GON4L: variants seen among roughly 807,000 people sequenced by gnomAD.
GON4L encodes gon-4 like, also known as GON-4-like protein.
Under a neutral mutation model 211.8 loss-of-function variants are expected in GON4L, and 87 were observed. The ratio of observed to expected loss-of-function variants is 0.41; its 90% CI spans 0.35 to 0.49. The LOEUF is 0.49. Among genes scored for constraint, GON4L ranks in the 20% least tolerant of loss-of-function variants. The probability of loss-of-function intolerance (pLI) is 0.15; values close to 1 mark genes in which losing one functional copy is unlikely to be tolerated. For missense variants in GON4L, 2,155 were observed against 2,659.5 expected (o/e 0.81, Z 4.17); for synonymous variants, 875 against 962.6 (o/e 0.91, Z 1.68).
intron 28 of GON4L, 131 bp downstream of exon 28, chr1:155,754,244 T>G (rs1032279929): frequency 1.4e-6 from 1 of 739,332 alleles, no homozygotes; most frequent in Non-Finnish European, 2.5e-6. Context: ...ATTTTGCATA[T>G]GTACACATAT....
rs1339983552 is a variant in GON4L at position 155,784,781 on chromosome 1, T to C, written c.1788+553A>G. The C allele has an allele frequency of 2.2e-5, 4 of 185,192 alleles. No individual in the cohort carries two copies. The East Asian group carries it at 5.3e-4, about 24-fold the overall frequency. The allele number at this position is 185,192 out of a possible 1,614,324, so 11.5% of individuals were successfully genotyped here. A position where few individuals can be genotyped will look rare whatever the true frequency, so the allele number is the denominator to read the frequency against. On this transcript the variant is annotated intron_variant, in intron 13 of 31. Coordinates refer to ENST00000368331, the MANE Select transcript of GON4L (RefSeq NM_001282860.2). Reference sequence around the variant, plus strand: ...AGTAGTTTAAAACTAGTTGACAATCTTTAAGGACACACCAAATGACAGTAG... The same window carrying C: ...AGTAGTTTAAAACTAGTTGACAATCCTTAAGGACACACCAAATGACAGTAG...
chr1:155,853,834 T>C lies in GON4L; in HGVS notation c.-26-28A>G, dbSNP rs956268314. ...GAAAGAATAAAAAGTTCTTACTGCCTTCATATTAATTAAAAGTAATAACAT... is the reference window on the plus strand; with the variant it reads ...GAAAGAATAAAAAGTTCTTACTGCCCTCATATTAATTAAAAGTAATAACAT... On this transcript the variant is annotated intron_variant, in intron 1 of 31. Coordinates refer to ENST00000368331, the MANE Select transcript of GON4L (RefSeq NM_001282860.2). The C allele has an allele frequency of 1.5e-5, 20 of 1,329,676 alleles. No individual in the cohort carries two copies. In the African/African-American group the frequency reaches 2.6e-4, roughly 17 times the overall value. 82.4% of individuals were successfully genotyped at this position (1,329,676 alleles called of 1,614,324 possible).
At chr1:155,845,457 A>G in intron 2 of GON4L, 1 of 348,152 alleles carries the variant, frequency 2.9e-6, no homozygotes, top group South Asian at 2.5e-5. Context: ...AGAATCAGCA[A>G]GGTTGGAAAC....
At chr1:155,770,266 T>G (rs1459584245) in intron 19 of GON4L, among the ~76,000 whole-genome samples, 2 of 152,152 alleles carry the variant, frequency 1.3e-5, no homozygotes, top group Non-Finnish European at 2.9e-5. Flanking sequence ...GGCTCACGCC[T>G]GTAATCCCAA....
At chr1:155,759,216 G>A (rs918798508) in intron 24 of GON4L, among the ~76,000 whole-genome samples, 1 of 152,072 alleles carries the variant, frequency 6.6e-6, no homozygotes, top group African/African-American at 2.4e-5. Flanking sequence ...GTCCAGGCTG[G>A]CCTCCCAAAG....
chr1:155,769,568 G>C (rs1470880920), intron 19 of GON4L, among the ~76,000 whole-genome samples: 1 of 152,062 alleles, frequency 6.6e-6, no homozygotes, highest in Non-Finnish European at 1.5e-5. Flanking sequence ...CACGCTGAAA[G>C]GAGATTAAGA....
In GON4L at chr1:155,761,103, G is replaced by T. The variant is rs190255365; in HGVS notation, c.4912-462C>A. On this transcript the variant is annotated intron_variant, in intron 23 of 31. Transcript: ENST00000368331. ...GTATTCTGCTTTCCAGGGGGATAAA[G>T]GAATCAGGTGGTTACCAAGAGAAGG... 6.8e-4 allele frequency among the ~76,000 whole-genome samples: 103 copies of T among 151,804 alleles called. 1 individual carries two copies. The highest frequency in any genetic ancestry group is 2.4e-3 in the African/African-American group (100 of 41,404).
At chr1:155,746,869 G>C (rs748907388), downstream of GON4L, 1 of 1,596,820 alleles carries the variant, frequency 6.3e-7, no homozygotes, top group Non-Finnish European at 8.5e-7. Flanking sequence ...TCTGAGTGCA[G>C]AGGTGAGGGC....
chr1:155,793,027 C>G (rs547961424), intron 12 of GON4L, among the ~76,000 whole-genome samples: 3 of 152,236 alleles, frequency 2.0e-5, no homozygotes, highest in African/African-American at 7.2e-5. Flanking sequence ...CTGCCTCAGC[C>G]TCCCAAGTGC....
chr1:155,781,054 T>C (rs562252299), intron 14 of GON4L, among the ~76,000 whole-genome samples: 1 of 152,220 alleles, frequency 6.6e-6, no homozygotes, highest in Admixed American at 6.5e-5. Context: ...CTACTACCAC[T>C]GAAGGAACAG....
chr1:155,789,485 G>A (rs78853922), intron 12 of GON4L, among the ~76,000 whole-genome samples: 7 of 151,802 alleles, frequency 4.6e-5, no homozygotes, highest in African/African-American at 1.7e-4. Flanking sequence ...CAAAAAAAAA[G>A]TGACATATAG....
At position 155,804,998 on chromosome 1, in the gene GON4L, G is replaced by A. The variant is rs1326737001; in HGVS notation, c.1596C>T (p.Asp532=). 1 of 1,613,816 alleles carries A rather than the reference G, an allele frequency of 6.2e-7. No individual in the cohort carries two copies. The highest frequency in any genetic ancestry group is 1.7e-5 in the Admixed American group (1 of 59,986). ...TAAGTCCCCCCAGCCACATCTTCCA[G>A]TCCTCATCATCTGCCGTATTGGGGT... is the stretch of plus-strand genomic sequence containing the variant. ...MYDPNTADDE[D]WKMWLGGLMN... The change falls in exon 11 of 32, where the codon GAC becomes GAT. Residue 532 remains aspartate (D), a synonymous_variant. Coordinates refer to ENST00000368331, the MANE Select transcript of GON4L (RefSeq NM_001282860.2).
downstream of GON4L, chr1:155,748,866 T>G (rs1660355452): frequency 7.2e-7 from 1 of 1,395,242 alleles, no homozygotes. Context: ...TCGGGCATTC[T>G]AATGATGTTG....
At chr1:155,799,864 T>C (rs977982498) in intron 11 of GON4L, among the ~76,000 whole-genome samples, 4 of 152,228 alleles carry the variant, frequency 2.6e-5, no homozygotes, top group Non-Finnish European at 4.4e-5. Context: ...ACTTTCTTAC[T>C]GTAATTATTT....
At chr1:155,842,965 A>G (rs1670916058) in intron 2 of GON4L, among the ~76,000 whole-genome samples, 1 of 152,222 alleles carries the variant, frequency 6.6e-6, no homozygotes, top group African/African-American at 2.4e-5. Flanking sequence ...GGGAATCACT[A>G]GCTAGGTACA....
intron 3 of GON4L, among the ~76,000 whole-genome samples, chr1:155,826,244 C>T (rs372981851): frequency 1.1e-4 from 17 of 151,626 alleles, no homozygotes; most frequent in African/African-American, 2.7e-4. Flanking sequence ...AATGTACACA[C>T]GATTCCATTC....
intron 24 of GON4L, among the ~76,000 whole-genome samples, chr1:155,759,506 G>A (rs889185906): frequency 3.3e-5 from 5 of 152,052 alleles, no homozygotes; most frequent in African/African-American, 9.6e-5. Flanking sequence ...CCCAGGAGGC[G>A]GAGGTTGCAG....
At position 155,766,610 on chromosome 1, in the gene GON4L, T is replaced by C. The variant is rs1416421386; in HGVS notation, c.2863A>G (p.Ser955Gly). The C allele has an allele frequency of 6.2e-6, 10 of 1,614,034 alleles. No individual in the cohort carries two copies. In the Admixed American group the frequency reaches 1.0e-4, roughly 16 times the overall value. The change falls in exon 21 of 32, where the codon AGC (serine) becomes GGC (glycine). Residue 955 changes from serine to glycine, a missense_variant. By Grantham distance (56) the Ser-to-Gly change is moderately conservative. Transcript: ENST00000368331. The part of the protein sequence containing the change: ...TGTTEINSDR[S>G]LEKDNLELGS... ...AACTCCAAATTGTCTTTTTCTAGGC[T>C]TCGATCTGAGTTGATCTCAGTGGTT...
chr1:155,768,793 T>C (rs1487365005), intron 19 of GON4L, among the ~76,000 whole-genome samples: 2 of 152,138 alleles, frequency 1.3e-5, no homozygotes, highest in Non-Finnish European at 2.9e-5. Context: ...TCTGATAGCA[T>C]GTAAGATTTT....
Sources: allele counts gnomAD v4.1 joint callset (sites outside exome capture counted in the v4.1 genomes callset), GRCh38; gene constraint gnomAD v4.1.1; transcripts MANE v1.5; gene names NCBI Gene and HGNC (gene_info 2026-07-23, HGNC 2026-07-21).